The following MGAT4C variants were observed in gnomAD, a reference collection of about 807,000 sequenced individuals.
The protein encoded by MGAT4C is alpha-1,3-mannosyl-glycoprotein 4-beta-N-acetylglucosaminyltransferase C.
In MGAT4C, 19 loss-of-function variants were observed where a neutral mutation model predicts 40.1. That is an observed-to-expected ratio of 0.47 (90% CI 0.33 to 0.70). The LOEUF is 0.70. Among genes scored for constraint, MGAT4C ranks in the 30% least tolerant of loss-of-function variants. The pLI, the probability that MGAT4C is intolerant of heterozygous loss-of-function variation, is 0.02. For missense variants in MGAT4C, 491 were observed against 563.2 expected, an observed-to-expected ratio of 0.87 and a Z score of 1.30; for synonymous variants, 181 against 187.1, an observed-to-expected ratio of 0.97 and a Z score of 0.27.
chr12:86,221,892 G>A (rs1471088497), intron 1 of MGAT4C, among the ~76,000 whole-genome samples: 1 of 152,146 alleles, frequency 6.6e-6, no homozygotes, highest in Admixed American at 6.5e-5. Flanking sequence ...TTTGTCTAAG[G>A]CTTTGTTTTC....
At chr12:86,765,785 G>C (rs1451369515) in intron 1 of MGAT4C, among the ~76,000 whole-genome samples, 2 of 152,080 alleles carry the variant, frequency 1.3e-5, no homozygotes, top group East Asian at 3.9e-4. Context: ...AAGTGAAGGA[G>C]AAATAAAATA....
At chr12:86,521,599 T>G (rs560696259) in intron 2 of MGAT4C, among the ~76,000 whole-genome samples, 2 of 151,982 alleles carry the variant, frequency 1.3e-5, no homozygotes, top group African/African-American at 4.8e-5. Flanking sequence ...CATATGAATT[T>G]TTAATTTTTT....
chr12:86,336,133 ATTT>A (rs1183154635), intron 3 of MGAT4C, among the ~76,000 whole-genome samples: 1 of 152,036 alleles, frequency 6.6e-6, no homozygotes, highest in Non-Finnish European at 1.5e-5. Context: ...GCTATCCTGT[ATTT>A]TTATTTGTAT....
rs545315167 is a variant in MGAT4C, at chr12:85,960,274, G to A, written c.*19015C>T. ...TATACAGACAAAGATGACAAGGGCC[G>A]AAAAGGAAGTGATTTTCTCATTGAA... On this transcript the variant is annotated 3_prime_UTR_variant, in exon 5 of 5. Coordinates refer to ENST00000611864, the MANE Select transcript of MGAT4C (RefSeq NM_001351288.2). 4 of 152,066 alleles carry A rather than the reference G, an allele frequency of 2.6e-5. No homozygotes were observed. The highest frequency in any genetic ancestry group is 1.9e-4 in the East Asian group (1 of 5,174). 9.4% of individuals were successfully genotyped at this position (152,066 alleles called of 1,614,324 possible).
intron 3 of MGAT4C, among the ~76,000 whole-genome samples, chr12:86,353,276 A>G (rs923837736): frequency 3.9e-5 from 6 of 152,252 alleles, no homozygotes; most frequent in Admixed American, 2.0e-4. Flanking sequence ...TAGAGTAATT[A>G]TGTCACACTC....
chr12:86,109,272 T>C (rs903998809), intron 1 of MGAT4C, among the ~76,000 whole-genome samples: 1 of 152,158 alleles, frequency 6.6e-6, no homozygotes, highest in Non-Finnish European at 1.5e-5. Flanking sequence ...AGGTCTCCTC[T>C]TTTTGTGGAG....
chr12:86,200,716 T>C (rs956213452), intron 1 of MGAT4C, among the ~76,000 whole-genome samples: 13 of 152,154 alleles, frequency 8.5e-5, no homozygotes, highest in African/African-American at 1.2e-4. Flanking sequence ...GTCAGAGAGA[T>C]GGTGTTACGG....
intron 1 of MGAT4C, among the ~76,000 whole-genome samples, chr12:86,811,336 A>ATTTT (rs553885593): frequency 4.7e-4 from 50 of 106,934 alleles, no homozygotes; most frequent in Non-Finnish European, 5.5e-4. Flanking sequence ...CACTCATAGT[A>ATTTT]TTTTTTTTTT....
At chr12:86,774,281 C>CTCTTTCTTTCTTTCTTTCTT (rs6144795) in intron 1 of MGAT4C, among the ~76,000 whole-genome samples, 2,350 of 58,878 alleles carry the variant, frequency 0.04, 314 homozygotes, top group African/African-American at 0.073. Flanking sequence ...CTAAGGCTTG[C>CTCTTTCTTTCTTTCTTTCTT]TCTTTCTTTC....
intron 2 of MGAT4C, among the ~76,000 whole-genome samples, chr12:86,563,697 C>A (rs1403452904): frequency 3.9e-5 from 6 of 152,162 alleles, no homozygotes; most frequent in African/African-American, 1.4e-4. Flanking sequence ...AATGATCAGA[C>A]CTTTTGGGAA....
chr12:86,688,655 G>C (rs892619463), intron 2 of MGAT4C, among the ~76,000 whole-genome samples: 1 of 152,246 alleles, frequency 6.6e-6, no homozygotes, highest in African/African-American at 2.4e-5. Context: ...TTTTCTTCAA[G>C]AATGTTGTAT....
intron 2 of MGAT4C, among the ~76,000 whole-genome samples, chr12:86,633,137 A>G (rs1963115097): frequency 6.6e-6 from 1 of 151,946 alleles, no homozygotes; most frequent in Admixed American, 6.6e-5. Flanking sequence ...AGTAATAAAT[A>G]CCTTTAAAAT....
intron 2 of MGAT4C, among the ~76,000 whole-genome samples, chr12:86,540,736 C>CAAAAAG (rs534305789): frequency 2.0e-5 from 3 of 149,136 alleles, no homozygotes; most frequent in East Asian, 2.0e-4. Context: ...ACTCCATCTC[C>CAAAAAG]AGAAAGAGAG....
At chr12:86,292,842 T>C (rs1233564136) in intron 4 of MGAT4C, among the ~76,000 whole-genome samples, 1 of 152,014 alleles carries the variant, frequency 6.6e-6, no homozygotes, top group Non-Finnish European at 1.5e-5. Flanking sequence ...ATGACTGTTT[T>C]TTTTTTTTTT....
intron 4 of MGAT4C, 69 bp from the exon 5 acceptor site, chr12:85,980,499 T>C: frequency 2.2e-6 from 3 of 1,380,730 alleles, no homozygotes; most frequent in Non-Finnish European, 2.9e-6. Context: ...AGAGAGAAGA[T>C]ATTTATTCCT....
Position 86,372,077 on chromosome 12 carries a change from G to A in MGAT4C, c.-119-37950C>T, listed in dbSNP as rs182187172. ...TATACTATATCAAATAAAATTTTAT[G>A]TATAGTAATCATATTATTAGGCTTT... is the stretch of plus-strand genomic sequence containing the variant. On this transcript the variant is annotated intron_variant, in intron 3 of 7. Coordinates refer to the MGAT4C transcript ENST00000548651. 6.6e-5 allele frequency among the ~76,000 whole-genome samples: 10 copies of A among 151,638 alleles called. 1 individual carries two copies. Among genetic ancestry groups the A allele is most frequent in the Admixed American group, 2.0e-4 (3 of 15,230 alleles).
intron 1 of MGAT4C, among the ~76,000 whole-genome samples, chr12:86,091,193 A>C (rs1232289123): frequency 1.3e-5 from 2 of 152,044 alleles, no homozygotes; most frequent in African/African-American, 4.8e-5. Flanking sequence ...TTCTTTAAAA[A>C]ATGAATTTAT....
At chr12:86,016,081 G>A (rs528201848) in intron 2 of MGAT4C, 4 of 152,236 alleles carry the variant, frequency 2.6e-5, no homozygotes, top group South Asian at 2.1e-4. Context: ...AAGAAATCAA[G>A]CATAACTTAA....
intron 2 of MGAT4C, among the ~76,000 whole-genome samples, chr12:86,723,908 G>T (rs1388745251): frequency 6.6e-6 from 1 of 152,112 alleles, no homozygotes; most frequent in Non-Finnish European, 1.5e-5. Context: ...TAATTAAACT[G>T]TTTCTCTCTG....
Sources: gnomAD v4.1 joint callset for allele counts (sites outside exome capture counted in the v4.1 genomes callset) on GRCh38, gnomAD v4.1.1 for gene constraint, MANE v1.5 for transcripts, NCBI Gene and HGNC (gene_info 2026-07-23, HGNC 2026-07-21) for gene names.